EPHA6: variants seen among roughly 807,000 people sequenced by gnomAD.
The protein encoded by EPHA6 is EPH receptor A6.
Under a neutral mutation model 112.0 loss-of-function variants are expected in EPHA6, and 50 were observed. That is an observed-to-expected ratio of 0.45 (90% CI 0.36 to 0.56). The LOEUF (loss-of-function observed/expected upper bound fraction) is 0.56. Among genes scored for constraint, EPHA6 ranks in the 20% least tolerant of loss-of-function variants. The pLI is 0.00. For missense variants in EPHA6, 1,280 were observed against 1,417.4 expected, an observed-to-expected ratio of 0.90 and a Z score of 1.56; for synonymous variants, 529 against 490.7, an observed-to-expected ratio of 1.08 and a Z score of -1.03.
chr3:96,883,661 G>A (rs1474841781), intron 2 of EPHA6, among the ~76,000 whole-genome samples: 1 of 151,834 alleles, frequency 6.6e-6, no homozygotes, highest in Non-Finnish European at 1.5e-5. Flanking sequence ...ACACCATTTT[G>A]TTTGGTTTGG....
intron 3 of EPHA6, among the ~76,000 whole-genome samples, chr3:97,190,822 C>T (rs1207574944): frequency 6.6e-6 from 1 of 151,802 alleles, no homozygotes; most frequent in Non-Finnish European, 1.5e-5. Context: ...ACATATGTAA[C>T]TAACCTGCAC....
chr3:97,454,031 C>G (rs2090604034), intron 7 of EPHA6, among the ~76,000 whole-genome samples: 1 of 151,730 alleles, frequency 6.6e-6, no homozygotes. Flanking sequence ...AAGGTATTCT[C>G]TGGAAAAATT....
At chr3:97,258,251 TAC>T (rs368778044) in intron 5 of EPHA6, among the ~76,000 whole-genome samples, 11,153 of 146,910 alleles carry the variant, frequency 0.076, 1,233 homozygotes, top group African/African-American at 0.25. Context: ...TATATATATA[TAC>T]ACACACACAC....
chr3:96,930,292 G>A (rs193187016), intron 2 of EPHA6, among the ~76,000 whole-genome samples: 20 of 152,236 alleles, frequency 1.3e-4, no homozygotes, highest in South Asian at 6.2e-4. Flanking sequence ...TGGAGAAGGG[G>A]CACTCTATAT....
chr3:96,999,449 G>C (rs1186073299), intron 3 of EPHA6, among the ~76,000 whole-genome samples: 1 of 151,894 alleles, frequency 6.6e-6, no homozygotes, highest in Non-Finnish European at 1.5e-5. Context: ...TCAGAGATTA[G>C]AGCAGACTTA....
chr3:97,416,081 T>C lies in EPHA6; in HGVS notation c.1731+10807T>C, dbSNP rs4455322. Reference sequence around the variant, plus strand: ...GCATATAAAAATCTAAAACACCTACTTGTTTTTATTATTACAAATCTACAC... The same window carrying C: ...GCATATAAAAATCTAAAACACCTACCTGTTTTTATTATTACAAATCTACAC... On this transcript the variant is annotated intron_variant, in intron 6 of 17. Coordinates refer to ENST00000389672, the MANE Select transcript of EPHA6 (RefSeq NM_001080448.3). Among the ~76,000 whole-genome samples the C allele has an allele frequency of 8.3e-3, 1,264 of 151,746 alleles. 14 individuals carry two copies. The highest frequency in any genetic ancestry group is 0.027 in the African/African-American group (1,123 of 41,422).
chr3:97,073,022 G>GCAGCA (rs2046406974), intron 3 of EPHA6, among the ~76,000 whole-genome samples: 1 of 152,158 alleles, frequency 6.6e-6, no homozygotes, highest in Non-Finnish European at 1.5e-5. Context: ...GTAACTGCTT[G>GCAGCA]CAGCACAGCA....
intron 2 of EPHA6, among the ~76,000 whole-genome samples, chr3:96,915,152 CATGGGAAAAGAAAG>C: frequency 1.3e-5 from 2 of 151,680 alleles, no homozygotes; most frequent in Non-Finnish European, 2.9e-5. Flanking sequence ...TAAAGGGAAA[CATGGGAAAAGAAAG>C]TTAAAGTAAA....
chr3:97,281,167 T>C (rs1023698872), intron 5 of EPHA6, among the ~76,000 whole-genome samples: 1 of 151,900 alleles, frequency 6.6e-6, no homozygotes, highest in African/African-American at 2.4e-5. Flanking sequence ...TGTAAAGCTA[T>C]GACCGGAATT....
At chr3:97,304,260 G>T (rs191858511) in intron 5 of EPHA6, among the ~76,000 whole-genome samples, 2 of 151,934 alleles carry the variant, frequency 1.3e-5, no homozygotes, top group African/African-American at 4.8e-5. Context: ...GATTGCTGTG[G>T]CCAGAACTTC....
intron 5 of EPHA6, among the ~76,000 whole-genome samples, chr3:97,395,422 T>G (rs879512120): frequency 4.0e-5 from 6 of 151,778 alleles, no homozygotes; most frequent in African/African-American, 7.2e-5. Context: ...TCAAAAAATG[T>G]CAATTAACAT....
At chr3:97,244,485 T>A (rs2108582916) in intron 5 of EPHA6, 198 bp downstream of exon 5, 1 of 564,680 alleles carries the variant, frequency 1.8e-6, no homozygotes, top group East Asian at 2.8e-5. Flanking sequence ...GCAGTATGAA[T>A]AATAAGATGA....
chr3:97,247,721 G>A (rs1261910617), intron 5 of EPHA6, among the ~76,000 whole-genome samples: 1 of 151,698 alleles, frequency 6.6e-6, no homozygotes, highest in Non-Finnish European at 1.5e-5. Flanking sequence ...AAAATGAATG[G>A]GTATCTGCAA....
At chr3:97,027,926 C>A (rs1424148443) in intron 3 of EPHA6, among the ~76,000 whole-genome samples, 1 of 152,154 alleles carries the variant, frequency 6.6e-6, no homozygotes, top group Non-Finnish European at 1.5e-5. Context: ...AGACTTACTC[C>A]AAATTCCCGT....
At chr3:97,251,698 GT>G (rs947430937) in intron 5 of EPHA6, among the ~76,000 whole-genome samples, 34 of 152,258 alleles carry the variant, frequency 2.2e-4, no homozygotes, top group African/African-American at 7.2e-4. Context: ...TTAGATGAGT[GT>G]TTTTTCTTCC....
At chr3:96,941,833 A>G (rs9844877) in intron 2 of EPHA6, among the ~76,000 whole-genome samples, 33,552 of 152,066 alleles carry the variant, frequency 0.22, 6,494 homozygotes, top group African/African-American at 0.49. Flanking sequence ...ACCCTCAGCT[A>G]CAGGTCTGTT....
chr3:97,149,474 A>G (rs1220560100), intron 3 of EPHA6, among the ~76,000 whole-genome samples: 1 of 152,110 alleles, frequency 6.6e-6, no homozygotes, highest in Admixed American at 6.6e-5. Context: ...ATATATATAA[A>G]GAATATATTC....
intron 2 of EPHA6, among the ~76,000 whole-genome samples, chr3:96,902,469 C>T (rs1203298253): frequency 2.0e-5 from 3 of 152,160 alleles, no homozygotes; most frequent in Non-Finnish European, 4.4e-5. Flanking sequence ...TGGCATGCTG[C>T]TGTGGCCACT....
At chr3:97,032,325 C>T (rs1346564694) in intron 3 of EPHA6, among the ~76,000 whole-genome samples, 1 of 152,020 alleles carries the variant, frequency 6.6e-6, no homozygotes, top group Non-Finnish European at 1.5e-5. Context: ...GGAGGGAAAG[C>T]ATTAGGAGAT....
Sources: gnomAD v4.1 joint callset for allele counts (sites outside exome capture counted in the v4.1 genomes callset) on GRCh38, gnomAD v4.1.1 for gene constraint, MANE v1.5 for transcripts, NCBI Gene and HGNC (gene_info 2026-07-23, HGNC 2026-07-21) for gene names.